Variants in POLK observed in about 807,000 individuals in gnomAD.
POLK encodes the protein DNA polymerase kappa, also known as polymerase (DNA directed) kappa.
POLK carries 76 observed loss-of-function variants against 94.0 expected under a neutral mutation model. That is an observed-to-expected ratio of 0.81 (90% CI 0.67 to 0.98). The LOEUF is 0.98. Ranked by LOEUF, POLK falls within the 50% of genes least tolerant of loss-of-function variation. The probability of loss-of-function intolerance (pLI) is 0.00; values close to 1 mark genes in which losing one functional copy is unlikely to be tolerated. For missense variants in POLK, 954 were observed against 1,010.1 expected (o/e 0.94, Z 0.75); for synonymous variants, 349 against 325.4 (o/e 1.07, Z -0.78).
chr5:75,548,257 T>G (rs1342660005), intron 2 of POLK, among the ~76,000 whole-genome samples: 1 of 152,118 alleles, frequency 6.6e-6, no homozygotes, highest in Non-Finnish European at 1.5e-5. Flanking sequence ...TGTATTTCAT[T>G]TTTTATGAAC....
chr5:75,512,126 C>G, intron 1 of POLK: 1 of 250,592 alleles, frequency 4.0e-6, no homozygotes, highest in Non-Finnish European at 7.8e-6. Flanking sequence ...TTGTCGAAAG[C>G]CCGGGAGCAT....
intron 1 of POLK, among the ~76,000 whole-genome samples, chr5:75,517,574 A>G (rs1274142763): frequency 6.6e-6 from 1 of 152,204 alleles, no homozygotes; most frequent in African/African-American, 2.4e-5. Context: ...ATATAAGATT[A>G]TGTTGCCTAC....
At chr5:75,563,266 A>G (rs1002655522) in intron 3 of POLK, among the ~76,000 whole-genome samples, 1 of 151,936 alleles carries the variant, frequency 6.6e-6, no homozygotes, top group Non-Finnish European at 1.5e-5. Flanking sequence ...CTGGCTGTGA[A>G]TCTGTCTGGT....
At chr5:75,586,909 T>A (rs1023143880) in intron 9 of POLK, 117 bp from the exon 10 acceptor site, 42 of 681,416 alleles carry the variant, frequency 6.2e-5, no homozygotes, top group Non-Finnish European at 8.8e-5. Flanking sequence ...TCATGATGTA[T>A]AAATTTTAAT....
chr5:75,515,435 G>A (rs750555470), intron 1 of POLK, among the ~76,000 whole-genome samples: 101 of 152,090 alleles, frequency 6.6e-4, no homozygotes, highest in Non-Finnish European at 5.9e-4. Context: ...TTTGATGTGA[G>A]CCAACATGCC....
At chr5:75,539,091 GCA>G (rs1173823315) in intron 1 of POLK, among the ~76,000 whole-genome samples, 1 of 152,028 alleles carries the variant, frequency 6.6e-6, no homozygotes, top group African/African-American at 2.4e-5. Flanking sequence ...TATTTTTATA[GCA>G]CAGGGTTAAT....
chr5:75,552,037 A>G (rs919116931), intron 2 of POLK, among the ~76,000 whole-genome samples: 3 of 152,182 alleles, frequency 2.0e-5, no homozygotes, highest in Admixed American at 2.0e-4. Flanking sequence ...TTTTTGAATT[A>G]TTTTCTACAT....
At chr5:75,531,383 GTATATAGCTATTTACACCAGTATATAA>G (rs1300756696) in intron 1 of POLK, among the ~76,000 whole-genome samples, 25 of 151,466 alleles carry the variant, frequency 1.7e-4, no homozygotes, top group African/African-American at 6.1e-4. Flanking sequence ...ATAGCTACCA[GTATATAGCTATTTACACCAGTATATAA>G]TATATAGCTA....
chr5:75,545,099 G>A (rs1363062567), intron 1 of POLK, among the ~76,000 whole-genome samples: 2 of 152,174 alleles, frequency 1.3e-5, no homozygotes, highest in Non-Finnish European at 2.9e-5. Flanking sequence ...GGCCTAATGT[G>A]CAGCAAAGTT....
At chr5:75,586,748 T>A (rs1050843240) in intron 9 of POLK, among the ~76,000 whole-genome samples, 1 of 152,014 alleles carries the variant, frequency 6.6e-6, no homozygotes, top group Non-Finnish European at 1.5e-5. Flanking sequence ...TTGTGGTTTT[T>A]GATAGTCAGG....
chr5:75,511,429 C>T, upstream of POLK: 1 of 1,541,400 alleles, frequency 6.5e-7, no homozygotes, highest in Non-Finnish European at 8.7e-7. Flanking sequence ...GGAAGCCTAC[C>T]CTTCCAGCCG....
chr5:75,516,197 T>A (rs906733550), intron 1 of POLK, among the ~76,000 whole-genome samples: 2 of 152,232 alleles, frequency 1.3e-5, no homozygotes, highest in African/African-American at 4.8e-5. Context: ...TGTTGATTGT[T>A]CACTCAGCTG....
At chr5:75,553,301 A>G (rs1770422189) in intron 3 of POLK, among the ~76,000 whole-genome samples, 1 of 152,174 alleles carries the variant, frequency 6.6e-6, no homozygotes, top group Non-Finnish European at 1.5e-5. Flanking sequence ...AGTCATGGCA[A>G]GAGGAATTTG....
At chr5:75,607,467 CAAAA>C in the POLK span, among the ~76,000 whole-genome samples, 19 of 59,828 alleles carry the variant, frequency 3.2e-4, no homozygotes, top group Admixed American at 7.6e-4. Context: ...GACCTTGTCT[CAAAA>C]AAAAAAAAAA....
intron 3 of POLK, among the ~76,000 whole-genome samples, chr5:75,553,379 TTAATC>T (rs772168908): frequency 2.6e-5 from 4 of 152,096 alleles, no homozygotes; most frequent in Admixed American, 6.5e-5. Flanking sequence ...TAAAATTAGA[TTAATC>T]TAATATGCTA....
intron 1 of POLK, among the ~76,000 whole-genome samples, chr5:75,546,125 C>T (rs963021217): frequency 6.6e-6 from 1 of 152,076 alleles, no homozygotes; most frequent in Non-Finnish European, 1.5e-5. Context: ...TCCTGAAGAA[C>T]GTAACTACTA....
At chr5:75,515,646 C>G (rs1034059358) in intron 1 of POLK, among the ~76,000 whole-genome samples, 1 of 152,140 alleles carries the variant, frequency 6.6e-6, no homozygotes, top group African/African-American at 2.4e-5. Context: ...CTAGATCATA[C>G]AGTAGTTGTA....
chr5:75,511,356 C>A (rs1767983675), upstream of POLK: 3 of 1,541,962 alleles, frequency 1.9e-6, no homozygotes, highest in Non-Finnish European at 2.6e-6. Context: ...GGACGAAGTC[C>A]GCCCGCCGCG....
At chr5:75,522,653 A>G (rs557090004) in intron 1 of POLK, among the ~76,000 whole-genome samples, 1 of 152,284 alleles carries the variant, frequency 6.6e-6, no homozygotes, top group Non-Finnish European at 1.5e-5. Context: ...AGGTGATTCC[A>G]TTTTATTTTT....
Sources: allele counts gnomAD v4.1 joint callset (sites outside exome capture counted in the v4.1 genomes callset), GRCh38; gene constraint gnomAD v4.1.1; transcripts MANE v1.5; gene names NCBI Gene and HGNC (gene_info 2026-07-23, HGNC 2026-07-21).